Variants in ZNF658 observed in about 807,000 individuals in gnomAD.
ZNF658 encodes zinc finger protein 658.
A neutral mutation model predicts 78.0 loss-of-function variants in ZNF658; 46 were observed. That is an observed-to-expected ratio of 0.59 (90% CI 0.47 to 0.75). The LOEUF (loss-of-function observed/expected upper bound fraction) is 0.75. ZNF658 is among the 30% of genes least tolerant of loss of function. The probability of loss-of-function intolerance (pLI) is 0.00; values close to 1 mark genes in which losing one functional copy is unlikely to be tolerated. For missense variants in ZNF658, 785 were observed against 1,189.3 expected (o/e 0.66, Z 5.00); for synonymous variants, 279 against 408.4 (o/e 0.68, Z 3.82).
At chr9:66,904,529 C>CT (rs1224988850) in intron 2 of ZNF658, among the ~76,000 whole-genome samples, 1 of 152,040 alleles carries the variant, frequency 6.6e-6, no homozygotes, top group Non-Finnish European at 1.5e-5. Flanking sequence ...TTTAAAACTG[C>CT]TTTTTTTGAG....
intron 6 of ZNF658, among the ~76,000 whole-genome samples, chr9:66,929,102 G>A (rs1822615039): frequency 6.6e-6 from 1 of 152,124 alleles, no homozygotes; most frequent in African/African-American, 2.4e-5. Flanking sequence ...CCAAAAATCT[G>A]TTTAAACTCA....
Position 66,919,805 on chromosome 9 carries a change from T to A in ZNF658, c.2239T>A (p.Cys747Ser). 1 of 1,610,314 alleles carries A rather than the reference T, an allele frequency of 6.2e-7. No homozygotes were observed. Among genetic ancestry groups the A allele is most frequent in the African/African-American group, 1.3e-5 (1 of 74,470 alleles). Reference protein sequence around the residue: ...TGEKLYECSECGKTFFQKTRL... With the variant: ...TGEKLYECSESGKTFFQKTRL... ...GGAGAAACTCTATGAATGTAGTGAA[T>A]GTGGAAAAACTTTTTTCCAGAAGAC... Residue 747 changes from cysteine to serine, a missense_variant, in exon 5 of 5, where the codon TGT (cysteine) becomes AGT (serine). Physicochemically the swap from Cys to Ser is moderately radical, Grantham distance 112. Coordinates refer to ENST00000621410, the MANE Select transcript of ZNF658 (RefSeq NM_033160.7).
At chr9:66,913,510 G>C (rs540964219) in intron 4 of ZNF658, among the ~76,000 whole-genome samples, 1 of 151,754 alleles carries the variant, frequency 6.6e-6, no homozygotes, top group African/African-American at 2.4e-5. Flanking sequence ...CCTTCCCCAC[G>C]TAGCAGGCAG....
chr9:66,905,964 GT>G (rs1822070817), intron 2 of ZNF658, among the ~76,000 whole-genome samples: 1 of 149,746 alleles, frequency 6.7e-6, no homozygotes, highest in African/African-American at 2.5e-5. Context: ...TGCATTTTTT[GT>G]TGAAAACTAT....
chr9:66,909,261 G>T (rs934776489), intron 4 of ZNF658, among the ~76,000 whole-genome samples: 13 of 151,694 alleles, frequency 8.6e-5, no homozygotes, highest in Non-Finnish European at 1.8e-4. Flanking sequence ...CATCCCCCCT[G>T]CCCTCTGCAG....
chr9:66,915,232 T>G (rs563354338), intron 4 of ZNF658, among the ~76,000 whole-genome samples: 1 of 152,170 alleles, frequency 6.6e-6, no homozygotes, highest in Non-Finnish European at 1.5e-5. Context: ...TTGTCGTAAA[T>G]ATCCTTTTCA....
At chr9:66,915,122 C>T (rs1477346831) in intron 4 of ZNF658, among the ~76,000 whole-genome samples, 4 of 151,270 alleles carry the variant, frequency 2.6e-5, no homozygotes, top group Non-Finnish European at 4.4e-5. Flanking sequence ...GATTTCATTA[C>T]ATTCTTAAGC....
chr9:66,910,775 A>C (rs945996187), intron 4 of ZNF658, among the ~76,000 whole-genome samples: 1 of 144,600 alleles, frequency 6.9e-6, no homozygotes, highest in Non-Finnish European at 1.5e-5. Flanking sequence ...CGGCCTGGGC[A>C]AAAGAGCGAG....
In ZNF658 at chr9:66,918,175, T is replaced by A. The variant is rs778090967; in HGVS notation, c.609T>A (p.Asp203Glu). 22 of 1,607,874 alleles carry A rather than the reference T, an allele frequency of 1.4e-5. No homozygotes were observed. Among genetic ancestry groups the A allele is most frequent in the Admixed American group, 1.7e-5 (1 of 58,826 alleles). Residue 203 changes from aspartate to glutamate, a missense_variant, in exon 5 of 5, where the codon GAT (aspartate) becomes GAA (glutamate). Transcript: ENST00000621410. ...CTAAAGCTTTCAGTTATAAGAAAGA[T>A]CAGCATTGGAAATTTCAAACTTTGG... ...ENAKAFSYKK[D>E]QHWKFQTLEE...
At chr9:66,927,096 G>A (rs935525301) in intron 6 of ZNF658, among the ~76,000 whole-genome samples, 1 of 152,072 alleles carries the variant, frequency 6.6e-6, no homozygotes, top group South Asian at 2.1e-4. Context: ...AGACTGTAAA[G>A]CTTCTATAAG....
intron 4 of ZNF658, among the ~76,000 whole-genome samples, chr9:66,915,088 C>G (rs1032124485): frequency 1.8e-5 from 2 of 113,498 alleles, no homozygotes; most frequent in Non-Finnish European, 3.9e-5. Flanking sequence ...CACACACACA[C>G]ACACATACAC....
At chr9:66,904,634 G>A (rs1822031889) in intron 2 of ZNF658, among the ~76,000 whole-genome samples, 1 of 152,026 alleles carries the variant, frequency 6.6e-6, no homozygotes, top group African/African-American at 2.4e-5. Flanking sequence ...TATCACTGCA[G>A]TCAATTTTAG....
chr9:66,920,073 C>A lies in ZNF658; in HGVS notation c.2507C>A (p.Ser836Tyr). 1 of 1,613,148 alleles carries A rather than the reference C, an allele frequency of 6.2e-7. No individual in the cohort carries two copies. The highest frequency in any genetic ancestry group is 8.5e-7 in the Non-Finnish European group (1 of 1,179,870). Residue 836 changes from serine (S) to tyrosine (Y), a missense_variant, in exon 5 of 5, where the codon TCC becomes TAC. By Grantham distance (144) the Ser-to-Tyr change is moderately radical. Transcript: ENST00000621410. ...YECNQCGKTF[S>Y]QRTHLCAHQR... ...TGTAACCAATGTGGGAAAACTTTCTCCCAAAGAACACACCTCTGTGCACAT... is the reference window on the plus strand; with the variant it reads ...TGTAACCAATGTGGGAAAACTTTCTACCAAAGAACACACCTCTGTGCACAT...
intron 4 of ZNF658, among the ~76,000 whole-genome samples, chr9:66,915,950 G>A (rs371142861): frequency 0.014 from 1,998 of 138,154 alleles, 28 homozygotes; most frequent in Middle Eastern, 0.028. Context: ...CACCCAGGCT[G>A]GAGTACCGTG....
At chr9:66,909,735 T>C (rs1013030573) in intron 4 of ZNF658, among the ~76,000 whole-genome samples, 1 of 152,206 alleles carries the variant, frequency 6.6e-6, no homozygotes, top group African/African-American at 2.4e-5. Context: ...TGTTATTGTT[T>C]GACTTTTTGA....
Position 66,920,986 on chromosome 9 carries a change from A to G in ZNF658, c.*240A>G. Reference sequence around the variant, plus strand: ...CCTCACAGTCTTCCTGGTTCATAAGATGGATTTGGAGGTTATTTCTGCAGC... The same window carrying G: ...CCTCACAGTCTTCCTGGTTCATAAGGTGGATTTGGAGGTTATTTCTGCAGC... On this transcript the variant is annotated 3_prime_UTR_variant, in exon 5 of 5. Coordinates refer to ENST00000621410, the MANE Select transcript of ZNF658 (RefSeq NM_033160.7). 1 of 571,536 alleles carries G rather than the reference A, an allele frequency of 1.7e-6. No homozygotes were observed. The highest frequency in any genetic ancestry group is 3.2e-5 in the Admixed American group (1 of 31,038). The allele number at this position is 571,536 out of a possible 1,614,324, so 35.4% of individuals were successfully genotyped here.
chr9:66,910,291 T>C (rs1275391793), intron 4 of ZNF658, among the ~76,000 whole-genome samples: 1 of 152,100 alleles, frequency 6.6e-6, no homozygotes, highest in Non-Finnish European at 1.5e-5. Flanking sequence ...AAAGTTATAG[T>C]TTTCAATGTC....
At chr9:66,926,386 T>C (rs1461506810), downstream of ZNF658, among the ~76,000 whole-genome samples, 1 of 151,852 alleles carries the variant, frequency 6.6e-6, no homozygotes, top group South Asian at 2.1e-4. Context: ...CAAAGTAGTA[T>C]GATAAAAAAA....
intron 4 of ZNF658, among the ~76,000 whole-genome samples, chr9:66,914,750 C>T (rs1291387245): frequency 2.0e-5 from 3 of 151,852 alleles, no homozygotes; most frequent in Non-Finnish European, 4.4e-5. Context: ...AGTGTAGTAA[C>T]TGTTTGGCAT....
Sources: gnomAD v4.1 joint callset for allele counts (sites outside exome capture counted in the v4.1 genomes callset) on GRCh38, gnomAD v4.1.1 for gene constraint, MANE v1.5 for transcripts, NCBI Gene and HGNC (gene_info 2026-07-23, HGNC 2026-07-21) for gene names.